MMP16: variants seen among roughly 807,000 people sequenced by gnomAD.
MMP16 encodes the protein matrix metalloproteinase-16.
Under a neutral mutation model 67.8 loss-of-function variants are expected in MMP16, and 12 were observed. The observed-to-expected ratio is 0.18, with a 90% CI of 0.11 to 0.29. MMP16 has a LOEUF of 0.29. Among genes scored for constraint, MMP16 ranks in the 10% least tolerant of loss-of-function variants. The probability of loss-of-function intolerance (pLI) is 1.00; values close to 1 mark genes in which losing one functional copy is unlikely to be tolerated. For synonymous variants in MMP16, 249 were observed against 255.9 expected, an observed-to-expected ratio of 0.97 and a Z score of 0.26; for missense variants, 475 against 765.7, an observed-to-expected ratio of 0.62 and a Z score of 4.48.
chr8:88,325,941 T>C lies in MMP16; in HGVS notation c.132+1134A>G, dbSNP rs567065974. Among the ~76,000 whole-genome samples, 101 of 152,350 alleles carry C rather than the reference T, an allele frequency of 6.6e-4. 1 individual carries two copies. The Middle Eastern group carries it at 0.01, about 15-fold the overall frequency. Reference sequence around the variant, plus strand: ...TTATTATGCACACTCTGTGTATCAATTGGTTACATGAAGCATGTTCAAATA... The same window carrying C: ...TTATTATGCACACTCTGTGTATCAACTGGTTACATGAAGCATGTTCAAATA... On this transcript the variant is annotated intron_variant, in intron 1 of 9. Transcript: ENST00000286614.
At chr8:88,249,992 A>T (rs1000042357) in intron 1 of MMP16, among the ~76,000 whole-genome samples, 1 of 152,290 alleles carries the variant, frequency 6.6e-6, no homozygotes, top group African/African-American at 2.4e-5. Flanking sequence ...ATTTGCAAAC[A>T]TTAAGAATCA....
chr8:88,301,297 G>A (rs1811095141), intron 1 of MMP16, among the ~76,000 whole-genome samples: 1 of 151,806 alleles, frequency 6.6e-6, no homozygotes, highest in Middle Eastern at 3.2e-3. Flanking sequence ...CTCTTTTTCT[G>A]CCTCTCTCCA....
intron 1 of MMP16, among the ~76,000 whole-genome samples, chr8:88,198,190 C>G (rs1447914712): frequency 6.6e-6 from 1 of 152,056 alleles, no homozygotes; most frequent in Non-Finnish European, 1.5e-5. Context: ...ATATCTCCAC[C>G]AGGGAGCAGA....
intron 1 of MMP16, among the ~76,000 whole-genome samples, chr8:88,299,968 G>C (rs953940005): frequency 2.0e-5 from 3 of 152,068 alleles, no homozygotes; most frequent in Non-Finnish European, 4.4e-5. Flanking sequence ...AAACTAGAAT[G>C]CATATTCATA....
At chr8:88,309,281 A>G (rs1811259378) in intron 1 of MMP16, among the ~76,000 whole-genome samples, 1 of 152,064 alleles carries the variant, frequency 6.6e-6, no homozygotes, top group Non-Finnish European at 1.5e-5. Flanking sequence ...GTTACAAGTT[A>G]TTAATATCAT....
chr8:88,241,081 G>GTTT (rs569535346), intron 1 of MMP16, among the ~76,000 whole-genome samples: 2 of 139,624 alleles, frequency 1.4e-5, no homozygotes, highest in African/African-American at 5.2e-5. Context: ...GTTTTGTTTT[G>GTTT]TTTTTTTTTT....
rs933379115 is a variant in MMP16 at position 88,032,288 on chromosome 8, G to A, written c.*9173C>T. 6.6e-6 allele frequency: 1 copy of A among 152,174 alleles called. No individual in the cohort carries two copies. Among genetic ancestry groups the A allele is most frequent in the Non-Finnish European group, 1.5e-5 (1 of 68,028 alleles). The allele number at this position is 152,174 out of a possible 1,614,324, so 9.4% of individuals were successfully genotyped here. On this transcript the variant is annotated 3_prime_UTR_variant, in exon 10 of 10. Transcript: ENST00000286614. ...TGATTCTAGCTTGTGACATTTGTGT[G>A]GTTAAAGGTTGCCGCAGCAGTCAAA...
chr8:88,051,327 GTGTACATCAACCATT>G (rs1210656857), intron 8 of MMP16, among the ~76,000 whole-genome samples: 1 of 152,138 alleles, frequency 6.6e-6, no homozygotes, highest in Non-Finnish European at 1.5e-5. Context: ...TCGGAACACT[GTGTACATCAACCATT>G]TGGGGGGTTT....
intron 1 of MMP16, among the ~76,000 whole-genome samples, chr8:88,231,144 A>G (rs1334246016): frequency 6.6e-6 from 1 of 152,162 alleles, no homozygotes; most frequent in African/African-American, 2.4e-5. Flanking sequence ...CCAACTTGAA[A>G]TTTCCTTTTG....
intron 7 of MMP16, among the ~76,000 whole-genome samples, chr8:88,063,152 G>A (rs1057040237): frequency 6.6e-6 from 1 of 152,100 alleles, no homozygotes; most frequent in African/African-American, 2.4e-5. Context: ...AATGTTTAGA[G>A]TTGGAGAGGA....
At chr8:88,282,898 A>G (rs901772150) in intron 1 of MMP16, among the ~76,000 whole-genome samples, 1 of 152,146 alleles carries the variant, frequency 6.6e-6, no homozygotes, top group East Asian at 1.9e-4. Context: ...TATTCTTTTC[A>G]TATATTGTTT....
chr8:88,200,388 A>T (rs1396914193), intron 1 of MMP16, among the ~76,000 whole-genome samples: 2 of 152,008 alleles, frequency 1.3e-5, no homozygotes, highest in African/African-American at 4.8e-5. Context: ...ACTATCTGGG[A>T]CTTACCCCAT....
rs398008661 is a variant in MMP16, at chr8:88,265,223, C to CTTTT, written c.132+61848_132+61851dup. 1.5e-4 allele frequency among the ~76,000 whole-genome samples: 15 copies of CTTTT among 100,740 alleles called. 1 individual carries two copies. Among genetic ancestry groups the CTTTT allele is most frequent in the Admixed American group, 2.5e-4 (2 of 8,036 alleles). The allele number at this position is 100,740 out of a possible 152,430, so 66.1% of individuals were successfully genotyped here. ...AACTAAGGGTAGAAATGACCATTTC[C>CTTTT]TTTTTTTTTTTTTTTTTTTTCAGAT... On this transcript the variant is annotated intron_variant, in intron 1 of 9. Transcript: ENST00000286614.
chr8:88,219,604 G>A (rs1268570130), intron 1 of MMP16, among the ~76,000 whole-genome samples: 1 of 152,076 alleles, frequency 6.6e-6, no homozygotes, highest in African/African-American at 2.4e-5. Context: ...GACACCCTCA[G>A]CTATGAGACC....
chr8:88,091,179 AAAG>A (rs1041533072), intron 6 of MMP16, among the ~76,000 whole-genome samples: 2 of 151,884 alleles, frequency 1.3e-5, no homozygotes, highest in African/African-American at 2.4e-5. Flanking sequence ...AAAGACCAAT[AAAG>A]AATACAGATC....
At chr8:88,120,358 A>G (rs989775290) in intron 4 of MMP16, among the ~76,000 whole-genome samples, 1 of 151,970 alleles carries the variant, frequency 6.6e-6, no homozygotes, top group South Asian at 2.1e-4. Flanking sequence ...TTAGATATGG[A>G]ACATCTAATC....
chr8:88,194,270 G>A (rs1809216014), intron 2 of MMP16, among the ~76,000 whole-genome samples: 1 of 151,904 alleles, frequency 6.6e-6, no homozygotes, highest in Non-Finnish European at 1.5e-5. Context: ...ATCTTGACAA[G>A]AGTCTAAAAT....
At chr8:88,154,629 A>C (rs1005725421) in intron 4 of MMP16, among the ~76,000 whole-genome samples, 1 of 150,700 alleles carries the variant, frequency 6.6e-6, no homozygotes, top group Non-Finnish European at 1.5e-5. Context: ...AAAAAACCAA[A>C]CACCGCATAT....
intron 6 of MMP16, among the ~76,000 whole-genome samples, chr8:88,101,477 T>C (rs907476466): frequency 6.6e-5 from 10 of 152,006 alleles, no homozygotes; most frequent in African/African-American, 1.7e-4. Context: ...AGGAGGTTTA[T>C]GTGTCAATGG....
Sources: gnomAD v4.1 joint callset for allele counts (sites outside exome capture counted in the v4.1 genomes callset) on GRCh38, gnomAD v4.1.1 for gene constraint, MANE v1.5 for transcripts, NCBI Gene and HGNC (gene_info 2026-07-23, HGNC 2026-07-21) for gene names.